Variants in PLAGL1 observed in about 807,000 individuals in gnomAD.
PLAGL1 encodes PLAG1 like zinc finger 1, also known as zinc finger protein PLAGL1.
In PLAGL1, 1 loss-of-function variant was observed where a neutral mutation model predicts 4.6. The ratio of observed to expected loss-of-function variants is 0.22; its 90% confidence interval spans 0.08 to 1.03. PLAGL1 has a LOEUF of 1.03. PLAGL1 is among the 50% of genes least tolerant of loss of function. The pLI, the probability that PLAGL1 is intolerant of heterozygous loss-of-function variation, is 0.58. For missense variants in PLAGL1, 464 were observed against 570.4 expected, an observed-to-expected ratio of 0.81 and a Z score of 1.90; for synonymous variants, 240 against 237.8, an observed-to-expected ratio of 1.01 and a Z score of -0.08.
At chr6:144,041,603 T>C (rs2128717413) in intron 1 of PLAGL1, among the ~76,000 whole-genome samples, 1 of 152,362 alleles carries the variant, frequency 6.6e-6, no homozygotes, top group East Asian at 1.9e-4. Flanking sequence ...TTGGCTTGGT[T>C]CCAAGTCTTT....
In PLAGL1 at chr6:143,954,307, G is replaced by A. The variant is rs769499604; in HGVS notation, c.-324-5847C>T. Among the ~76,000 whole-genome samples the A allele has an allele frequency of 6.6e-6, 1 of 152,070 alleles. No homozygotes were observed. The highest frequency in any genetic ancestry group is 2.4e-5 in the African/African-American group (1 of 41,410). ...AAAGTAACGGGGAAAAAAAGACTAC[G>A]GGGGGAAGGAAACTTCAAAAATAAT... On this transcript the variant is annotated intron_variant, in intron 6 of 7. Coordinates refer to ENST00000674357, the MANE Select transcript of PLAGL1 (RefSeq NM_001317162.2). This position sits in a 1 kb window ranked among gnomAD's most constrained non-coding sequence, Gnocchi z 5.1.
At chr6:144,020,761 T>G (rs1226567665) in intron 1 of PLAGL1, among the ~76,000 whole-genome samples, 3 of 147,772 alleles carry the variant, frequency 2.0e-5, no homozygotes, top group Non-Finnish European at 4.5e-5. Flanking sequence ...CCACTCTATA[T>G]ATTTGTTTTA....
chr6:144,052,413 C>A (rs1798642529), intron 1 of PLAGL1, among the ~76,000 whole-genome samples: 1 of 152,176 alleles, frequency 6.6e-6, no homozygotes, highest in Non-Finnish European at 1.5e-5. Flanking sequence ...ATACTTAGTT[C>A]AAGCCCCAGT....
At position 144,059,783 on chromosome 6, in the gene PLAGL1, A is replaced by G. The variant is rs1562622351; in HGVS notation, c.-151+4685T>C. Among the ~76,000 whole-genome samples, 2 of 152,196 alleles carry G rather than the reference A, an allele frequency of 1.3e-5. No individual in the cohort carries two copies. The highest frequency in any genetic ancestry group is 2.9e-5 in the Non-Finnish European group (2 of 68,032). ...TTTTCCATCCCTGAGGCTGCCCTGCAAGTAAACCTGCTTTAGTCTTTTGGG... is the reference window on the plus strand; with the variant it reads ...TTTTCCATCCCTGAGGCTGCCCTGCGAGTAAACCTGCTTTAGTCTTTTGGG... On this transcript the variant is annotated intron_variant, in intron 1 of 3. Coordinates refer to the PLAGL1 transcript ENST00000437412. The surrounding 1 kb of genome is among the most constrained non-coding windows in gnomAD (Gnocchi z 4.9).
At chr6:144,018,230 A>G (rs1795700224) in intron 1 of PLAGL1, among the ~76,000 whole-genome samples, 1 of 152,236 alleles carries the variant, frequency 6.6e-6, no homozygotes, top group African/African-American at 2.4e-5. Flanking sequence ...ATTTACAACA[A>G]CATGCATGAG....
At position 144,063,739 on chromosome 6, in the gene PLAGL1, G is replaced by A. The variant is rs895702875; in HGVS notation, c.-151+729C>T. Among the ~76,000 whole-genome samples the A allele has an allele frequency of 6.6e-6, 1 of 152,278 alleles. No homozygotes were observed. ...GGTATCTCTGTCCTCGACACAGCAG[G>A]GGCCCTACAAACCCAACACGGCTGT... On this transcript the variant is annotated intron_variant, in intron 1 of 3. Coordinates refer to the PLAGL1 transcript ENST00000437412. The surrounding 1 kb of genome is among the most constrained non-coding windows in gnomAD (Gnocchi z 5.7).
At chr6:144,026,726 C>T (rs577286464) in intron 1 of PLAGL1, among the ~76,000 whole-genome samples, 28 of 152,282 alleles carry the variant, frequency 1.8e-4, no homozygotes, top group South Asian at 1.7e-3. Context: ...ATTACATTCA[C>T]AAGAACACAG....
rs1778842463 is a variant in PLAGL1, at chr6:143,942,439, G to A, written c.377C>T (p.Ala126Val). The A allele has an allele frequency of 6.2e-7, 1 of 1,613,998 alleles. No homozygotes were observed. Among genetic ancestry groups the A allele is most frequent in the African/African-American group, 1.3e-5 (1 of 74,900 alleles). The change falls in exon 8 of 8, where the codon GCC becomes GTC. Residue 126 changes from alanine to valine, a missense_variant. By Grantham distance (64) the Ala-to-Val change is moderately conservative. Transcript: ENST00000674357. This position sits in a 1 kb window ranked among gnomAD's most constrained non-coding sequence, Gnocchi z 7.6. ...CACCTCGGTGCTCCCTAGCTCCAGG[G>A]CACAGACCCCACAGGTGAGGTCCCC... ...SSGDLTCGVC[A>V]LELGSTEVLL...
intron 1 of PLAGL1, among the ~76,000 whole-genome samples, chr6:144,035,716 C>T (rs957454368): frequency 6.6e-6 from 1 of 152,316 alleles, no homozygotes; most frequent in Non-Finnish European, 1.5e-5. Flanking sequence ...GAGACTAGAA[C>T]AAAATGCCCA....
intron 2 of PLAGL1, among the ~76,000 whole-genome samples, chr6:143,974,902 T>TG (rs1786168041): frequency 6.6e-6 from 1 of 152,222 alleles, no homozygotes; most frequent in African/African-American, 2.4e-5. Context: ...GGAAAAATAC[T>TG]ACTGAAAGAA....
intron 6 of PLAGL1, among the ~76,000 whole-genome samples, chr6:143,951,873 C>T (rs1398022281): frequency 6.6e-6 from 1 of 152,168 alleles, no homozygotes; most frequent in Admixed American, 6.5e-5. Context: ...AGTTGGTCCT[C>T]AGAACTAAGT....
intron 1 of PLAGL1, among the ~76,000 whole-genome samples, chr6:144,028,171 A>G (rs936051053): frequency 6.6e-6 from 1 of 152,196 alleles, no homozygotes; most frequent in South Asian, 2.1e-4. Context: ...CTTTTCAAAC[A>G]TTTATTCCTT....
Position 144,061,677 on chromosome 6 carries a change from T to C in PLAGL1, c.-151+2791A>G, listed in dbSNP as rs777925534. ...CTATACAGTTTTATTAAAATGTATA[T>C]GAAAAAATAAGTCCCTGAGGAAGAA... On this transcript the variant is annotated intron_variant, in intron 1 of 3. Transcript: ENST00000437412. The surrounding 1 kb of genome is among the most constrained non-coding windows in gnomAD (Gnocchi z 4.4). Among the ~76,000 whole-genome samples, 2 of 152,210 alleles carry C rather than the reference T, an allele frequency of 1.3e-5. No homozygotes were observed. Among genetic ancestry groups the C allele is most frequent in the Non-Finnish European group, 2.9e-5 (2 of 68,032 alleles).
chr6:144,030,377 A>G (rs538730802), intron 1 of PLAGL1, among the ~76,000 whole-genome samples: 1 of 149,952 alleles, frequency 6.7e-6, no homozygotes, highest in East Asian at 2.0e-4. Context: ...GTTTTTGGGG[A>G]GCAGGTGGTG....
In PLAGL1 at chr6:143,942,455, T is replaced by G. The variant is rs1257346754; in HGVS notation, c.361A>C (p.Thr121Pro). Residue 121 changes from threonine (T) to proline (P), a missense_variant, in exon 8 of 8, where the codon ACC becomes CCC. Coordinates refer to ENST00000674357, the MANE Select transcript of PLAGL1 (RefSeq NM_001317162.2). This position sits in a 1 kb window ranked among gnomAD's most constrained non-coding sequence, Gnocchi z 7.6. ...ALHAASSGDL[T>P]CGVCALELGS... ...AGCTCCAGGGCACAGACCCCACAGGTGAGGTCCCCACTGCTGGCCGCATGG... is the reference window on the plus strand; with the variant it reads ...AGCTCCAGGGCACAGACCCCACAGGGGAGGTCCCCACTGCTGGCCGCATGG... 1 of 1,614,064 alleles carries G rather than the reference T, an allele frequency of 6.2e-7. No individual in the cohort carries two copies.
rs752830030 is a variant in PLAGL1 at position 143,964,450 on chromosome 6, C to G, written c.-399+337G>C. 6.6e-6 allele frequency among the ~76,000 whole-genome samples: 1 copy of G among 152,098 alleles called. No individual in the cohort carries two copies. The highest frequency in any genetic ancestry group is 2.4e-5 in the African/African-American group (1 of 41,410). Reference sequence around the variant, plus strand: ...GGTTGGCAGAATGGGGACTGGAGTCCGTTTTCATTATGGGGAATGAAAACA... The same window carrying G: ...GGTTGGCAGAATGGGGACTGGAGTCGGTTTTCATTATGGGGAATGAAAACA... On this transcript the variant is annotated intron_variant, in intron 5 of 7. Transcript: ENST00000674357. The surrounding 1 kb of genome is among the most constrained non-coding windows in gnomAD (Gnocchi z 4.3).
intron 1 of PLAGL1, among the ~76,000 whole-genome samples, chr6:144,019,115 A>G (rs572602719): frequency 4.3e-4 from 65 of 152,352 alleles, no homozygotes; most frequent in African/African-American, 1.5e-3. Context: ...ATTCCAGATT[A>G]AATGAGATTA....
At chr6:143,951,599 TC>T (rs1554253119) in intron 6 of PLAGL1, among the ~76,000 whole-genome samples, 1 of 152,258 alleles carries the variant, frequency 6.6e-6, no homozygotes, top group Non-Finnish European at 1.5e-5. Context: ...TCCAGCCACT[TC>T]TTCCCAAGAT....
chr6:143,986,532 T>C (rs534032144), intron 1 of PLAGL1, among the ~76,000 whole-genome samples: 2 of 152,224 alleles, frequency 1.3e-5, no homozygotes, highest in East Asian at 3.9e-4. Context: ...GAGATGATGA[T>C]GGGAGAACTG....
Sources: gnomAD v4.1 joint callset for allele counts (sites outside exome capture counted in the v4.1 genomes callset) on GRCh38, gnomAD v4.1.1 for gene constraint, Gnocchi (gnomAD v3.1) non-coding constraint, MANE v1.5 for transcripts, NCBI Gene and HGNC (gene_info 2026-07-23, HGNC 2026-07-21) for gene names.